The following RNF20 variants were observed in gnomAD, a reference collection of about 807,000 sequenced individuals.
RNF20 encodes ring finger protein 20.
A neutral mutation model predicts 126.2 loss-of-function variants in RNF20; 84 were observed. That is an observed-to-expected ratio of 0.67 (90% CI 0.56 to 0.80). The LOEUF (loss-of-function observed/expected upper bound fraction) is 0.80. Ranked by LOEUF, RNF20 falls within the 30% of genes least tolerant of loss-of-function variation. RNF20 has a pLI of 0.00. For missense variants in RNF20, 869 were observed against 1,188.2 expected (o/e 0.73, Z 3.95); for synonymous variants, 400 against 414.3 (o/e 0.97, Z 0.42).
At chr9:101,547,295 A>G in intron 8 of RNF20, 81 bp downstream of exon 8, 1 of 1,593,498 alleles carries the variant, frequency 6.3e-7, no homozygotes, top group Non-Finnish European at 8.6e-7. Context: ...TTCACAAGTG[A>G]CATCATGGGG....
chr9:101,545,785 A>G (rs1827336670), intron 6 of RNF20, among the ~76,000 whole-genome samples: 2 of 152,226 alleles, frequency 1.3e-5, no homozygotes, highest in Non-Finnish European at 2.9e-5. Context: ...GGTGCTACCA[A>G]GATGGAGAGG....
rs2118718790 is a variant in RNF20 at position 101,552,760 on chromosome 9, A to G, written c.1901+7A>G. On this transcript the variant is annotated splice_region_variant and intron_variant, in intron 13 of 19. Transcript: ENST00000389120. ...AATTGAAGATTGAACTCAAGTAAGAACCACATTTAGAGTAACAGTTTCGAC... is the reference window on the plus strand; with the variant it reads ...AATTGAAGATTGAACTCAAGTAAGAGCCACATTTAGAGTAACAGTTTCGAC... The G allele has an allele frequency of 6.3e-7, 1 of 1,598,514 alleles. No homozygotes were observed. The highest frequency in any genetic ancestry group is 1.3e-5 in the African/African-American group (1 of 74,242).
rs772459590 is a variant in RNF20, at chr9:101,540,780, CCT to C, written c.446-12_446-11del. The C allele has an allele frequency of 1.7e-5, 28 of 1,607,462 alleles. No homozygotes were observed. Among genetic ancestry groups the C allele is most frequent in the African/African-American group, 1.5e-4 (11 of 74,358 alleles). ...ATTTTGGGGGGCTTCTTTTTTTCCC[CCT>C]GTGTCCTCAGGGGAAGGGCAAGAGC... is the stretch of plus-strand genomic sequence containing the variant. On this transcript the variant is annotated splice_polypyrimidine_tract_variant and intron_variant, in intron 4 of 19. Transcript: ENST00000389120.
chr9:101,536,862 A>G (rs1055443497), intron 2 of RNF20, among the ~76,000 whole-genome samples: 1 of 152,232 alleles, frequency 6.6e-6, no homozygotes, highest in Admixed American at 6.5e-5. Context: ...TTTGGAGACT[A>G]TAGAAAAGCA....
At chr9:101,552,019 G>A (rs2118714996) in intron 11 of RNF20, 122 bp from the exon 12 acceptor site, 3 of 1,396,526 alleles carry the variant, frequency 2.1e-6, no homozygotes, top group Non-Finnish European at 3.0e-6. Context: ...CTTCTGAGAA[G>A]GAATCTTTTA....
chr9:101,544,945 C>A, intron 6 of RNF20, 60 bp downstream of exon 6: 2 of 1,011,586 alleles, frequency 2.0e-6, no homozygotes, highest in Non-Finnish European at 3.1e-6. Flanking sequence ...TGTTGACTTA[C>A]AATTCTGAGC....
Position 101,540,748 on chromosome 9 carries a change from GTTTATAATTTTGGGGGGCT to G in RNF20, c.446-43_446-25del, listed in dbSNP as rs1021031299. 7.5e-6 allele frequency: 12 copies of G among 1,594,618 alleles called. No homozygotes were observed. In the Admixed American group the frequency reaches 1.3e-4, roughly 17 times the overall value. On this transcript the variant is annotated intron_variant, in intron 4 of 19. Coordinates refer to ENST00000389120, the MANE Select transcript of RNF20 (RefSeq NM_019592.7). ...AAAAAAATGGATTTTGTTATTTCCAGTTTATAATTTTGGGGGGCTTCTTTTTTTCCCCCTGTGTCCTCAG... is the reference window on the plus strand; with the variant it reads ...AAAAAAATGGATTTTGTTATTTCCAGTCTTTTTTTCCCCCTGTGTCCTCAG...
At chr9:101,554,265 T>A (rs1348880126) in intron 14 of RNF20, among the ~76,000 whole-genome samples, 160 bp downstream of exon 14, 1 of 152,224 alleles carries the variant, frequency 6.6e-6, no homozygotes, top group Non-Finnish European at 1.5e-5. Flanking sequence ...GTAGAGATTT[T>A]AAAACTCTCC....
chr9:101,554,292 T>A (rs1564111472), intron 14 of RNF20, among the ~76,000 whole-genome samples, 187 bp downstream of exon 14: 1 of 152,248 alleles, frequency 6.6e-6, no homozygotes, highest in Non-Finnish European at 1.5e-5. Context: ...TGGTAAAATA[T>A]ATCTGAATTA....
At chr9:101,551,854 C>T (rs1223898139) in intron 11 of RNF20, 35 bp downstream of exon 11, 2 of 1,570,046 alleles carry the variant, frequency 1.3e-6, no homozygotes, top group African/African-American at 2.7e-5. Flanking sequence ...GTAGTTTGCT[C>T]TTAATACCTT....
intron 5 of RNF20, among the ~76,000 whole-genome samples, chr9:101,542,333 C>A (rs975406979): frequency 6.6e-6 from 1 of 152,186 alleles, no homozygotes; most frequent in African/African-American, 2.4e-5. Flanking sequence ...ACAAAAGTTT[C>A]CCCATTCTCA....
Position 101,557,232 on chromosome 9 carries a change from T to C in RNF20, c.2170-152T>C, listed in dbSNP as rs117465832. The C allele has an allele frequency of 6.7e-3, 4,096 of 610,690 alleles. 18 individuals are homozygous for C. The highest frequency in any genetic ancestry group is 8.3e-3 in the Non-Finnish European group (2,871 of 347,180). The allele number at this position is 610,690 out of a possible 1,614,324, so 37.8% of individuals were successfully genotyped here. ...GCCAGTGACTTCAGATAATAGAGCT[T>C]CTGTATGCCTAGTGACAAAACACAA... On this transcript the variant is annotated intron_variant, in intron 15 of 19. Coordinates refer to ENST00000389120, the MANE Select transcript of RNF20 (RefSeq NM_019592.7).
intron 5 of RNF20, among the ~76,000 whole-genome samples, chr9:101,542,083 A>G (rs549760962): frequency 6.6e-6 from 1 of 152,206 alleles, no homozygotes; most frequent in Non-Finnish European, 1.5e-5. Context: ...AAATAAGTTG[A>G]ATGTAATGGA....
chr9:101,540,298 C>T lies in RNF20; in HGVS notation c.225C>T (p.His75=). Residue 75 remains histidine (H), a synonymous_variant, in exon 3 of 20, where the codon CAC becomes CAT. Coordinates refer to ENST00000389120, the MANE Select transcript of RNF20 (RefSeq NM_019592.7). ...RQAIEDELRE[H]IEKLERRQAT... is the part of the protein sequence containing the mutation. Reference sequence around the variant, plus strand: ...CCATTGAAGATGAACTTCGTGAGCACATTGAAAAACTGGAACGACGACAGG... The same window carrying T: ...CCATTGAAGATGAACTTCGTGAGCATATTGAAAAACTGGAACGACGACAGG... 1.9e-6 allele frequency: 3 copies of T among 1,614,122 alleles called. No individual in the cohort carries two copies. Among genetic ancestry groups the T allele is most frequent in the Non-Finnish European group, 2.5e-6 (3 of 1,180,026 alleles).
chr9:101,558,915 C>T lies in RNF20; in HGVS notation c.2382+1319C>T, dbSNP rs970743757. Reference sequence around the variant, plus strand: ...GCTTTTTCGTTTAATTAAGTTTCATCTATTTATCATTTCTTTTGTTGCATT... The same window carrying T: ...GCTTTTTCGTTTAATTAAGTTTCATTTATTTATCATTTCTTTTGTTGCATT... On this transcript the variant is annotated intron_variant, in intron 16 of 19. Transcript: ENST00000389120. 3.3e-5 allele frequency among the ~76,000 whole-genome samples: 5 copies of T among 152,020 alleles called. No homozygotes were observed. The East Asian group carries it at 9.6e-4, about 29-fold the overall frequency.
chr9:101,551,098 A>G (rs546516528), intron 10 of RNF20, among the ~76,000 whole-genome samples: 9 of 152,312 alleles, frequency 5.9e-5, no homozygotes, highest in African/African-American at 2.2e-4. Context: ...TCCTGATTCC[A>G]CTTAAAAAAG....
intron 2 of RNF20, among the ~76,000 whole-genome samples, chr9:101,538,351 A>C (rs559912858): frequency 1.2e-4 from 18 of 152,266 alleles, no homozygotes; most frequent in Non-Finnish European, 2.5e-4. Context: ...GAGTGATAAT[A>C]AGGTAGGTGC....
intron 5 of RNF20, among the ~76,000 whole-genome samples, 194 bp from the exon 6 acceptor site, chr9:101,544,573 G>A (rs1008156293): frequency 1.3e-5 from 2 of 152,126 alleles, no homozygotes; most frequent in African/African-American, 4.8e-5. Context: ...GGGTGTGGTG[G>A]CATGTGCCTG....
intron 16 of RNF20, 70 bp from the exon 17 acceptor site, chr9:101,560,731 A>G (rs1325021091): frequency 6.9e-7 from 1 of 1,454,296 alleles, no homozygotes; most frequent in African/African-American, 1.4e-5. Context: ...GGGCTTATAG[A>G]TTAACAGAAT....
Sources: gnomAD v4.1 joint callset for allele counts (sites outside exome capture counted in the v4.1 genomes callset) on GRCh38, gnomAD v4.1.1 for gene constraint, MANE v1.5 for transcripts, NCBI Gene and HGNC (gene_info 2026-07-23, HGNC 2026-07-21) for gene names.